Variants in KCNQ3 observed in about 807,000 individuals in gnomAD.
KCNQ3 encodes the protein potassium voltage-gated channel subfamily KQT member 3.
A neutral mutation model predicts 92.5 loss-of-function variants in KCNQ3; 30 were observed. That is an observed-to-expected ratio of 0.32 (90% confidence interval 0.24 to 0.44). KCNQ3 has a LOEUF of 0.44. KCNQ3 is among the 20% of genes least tolerant of loss of function. The pLI, the probability that KCNQ3 is intolerant of heterozygous loss-of-function variation, is 1.00. For missense variants in KCNQ3, 913 were observed against 1,140.3 expected (o/e 0.80, Z 2.87); for synonymous variants, 450 against 468.8 (o/e 0.96, Z 0.52).
chr8:132,309,927 G>A (rs984661387), intron 1 of KCNQ3, among the ~76,000 whole-genome samples: 8 of 152,128 alleles, frequency 5.3e-5, no homozygotes, highest in Non-Finnish European at 1.5e-5. Flanking sequence ...CTTTGTTTAG[G>A]CATGACTTGT....
In KCNQ3 at chr8:132,480,340, C is replaced by G. The variant is rs549681789; in HGVS notation, c.193G>C (p.Gly65Arg). Residue 65 changes from glycine to arginine, a missense_variant, in exon 1 of 15, where the codon GGG becomes CGG. Coordinates refer to ENST00000388996, the MANE Select transcript of KCNQ3 (RefSeq NM_004519.4). Reference sequence around the variant, plus strand: ...CCGCCGCCCTCCAGCAGCAGGGTCCCGTCTTTGTCGGCTCCGGCCCCGAGC... The same window carrying G: ...CCGCCGCCCTCCAGCAGCAGGGTCCGGTCTTTGTCGGCTCCGGCCCCGAGC... ...LALGAGADKD[G>R]TLLLEGGGRD... 2 of 1,597,508 alleles carry G rather than the reference C, an allele frequency of 1.3e-6. No individual in the cohort carries two copies. Among genetic ancestry groups the G allele is most frequent in the Admixed American group, 1.7e-5 (1 of 59,220 alleles).
chr8:132,272,595 A>G (rs969312952), intron 1 of KCNQ3, among the ~76,000 whole-genome samples: 20 of 152,202 alleles, frequency 1.3e-4, no homozygotes, highest in East Asian at 3.9e-4. Flanking sequence ...GGAAGGCAAG[A>G]AGGAGCAAAT....
At chr8:132,237,309 C>A (rs1426511487) in intron 1 of KCNQ3, among the ~76,000 whole-genome samples, 2 of 152,088 alleles carry the variant, frequency 1.3e-5, no homozygotes, top group African/African-American at 4.8e-5. Flanking sequence ...GATGATGGTA[C>A]AATTGACATC....
chr8:132,188,569 T>A (rs1309283881), intron 1 of KCNQ3, among the ~76,000 whole-genome samples: 2 of 152,252 alleles, frequency 1.3e-5, no homozygotes, highest in South Asian at 4.1e-4. Flanking sequence ...TTCAGTGATG[T>A]AATCCATGTC....
At chr8:132,399,323 C>G (rs1203423816) in intron 1 of KCNQ3, among the ~76,000 whole-genome samples, 1 of 152,160 alleles carries the variant, frequency 6.6e-6, no homozygotes, top group African/African-American at 2.4e-5. Context: ...ATTTTTGCAG[C>G]TCTCACAGAA....
chr8:132,471,749 C>G (rs1311695053), intron 1 of KCNQ3, among the ~76,000 whole-genome samples: 2 of 151,716 alleles, frequency 1.3e-5, no homozygotes, highest in African/African-American at 2.4e-5. Context: ...GCACAGTCAA[C>G]AAAACAAAAA....
At position 132,121,518 on chromosome 8, in the gene KCNQ3, G is replaced by A. The variant is rs925970357; in HGVS notation, c.*7744C>T. 2.0e-5 allele frequency: 3 copies of A among 152,168 alleles called. No homozygotes were observed. The highest frequency in any genetic ancestry group is 4.8e-5 in the African/African-American group (2 of 41,418). 9.4% of individuals were successfully genotyped at this position (152,168 alleles called of 1,614,324 possible). On this transcript the variant is annotated 3_prime_UTR_variant, in exon 15 of 15. Transcript: ENST00000388996. ...CTTAACCCTCAGGGGAACTATGGGG[G>A]TGGGAACTGCCCCCTCCTTGGAAAA...
chr8:132,389,257 G>A (rs1819985038), intron 1 of KCNQ3, among the ~76,000 whole-genome samples: 1 of 152,130 alleles, frequency 6.6e-6, no homozygotes, highest in African/African-American at 2.4e-5. Flanking sequence ...AGGAGTTTGA[G>A]GCCAGCCTAG....
At chr8:132,417,025 C>G (rs1015804243) in intron 1 of KCNQ3, among the ~76,000 whole-genome samples, 4 of 152,198 alleles carry the variant, frequency 2.6e-5, no homozygotes, top group African/African-American at 9.6e-5. Context: ...GTCCAAGTAG[C>G]CACCACCATT....
chr8:132,200,067 A>C lies in KCNQ3; in HGVS notation c.387-13886T>G, dbSNP rs75147952. On this transcript the variant is annotated intron_variant, in intron 1 of 14. Transcript: ENST00000388996. Reference sequence around the variant, plus strand: ...ACTTAATACTTGTAGGAACAAAAATAAACTGTCTTTAAAAACTTCCATATT... The same window carrying C: ...ACTTAATACTTGTAGGAACAAAAATCAACTGTCTTTAAAAACTTCCATATT... Among the ~76,000 whole-genome samples the C allele has an allele frequency of 8.3e-3, 1,271 of 152,344 alleles. 12 individuals carry two copies. The highest frequency in any genetic ancestry group is 0.012 in the Non-Finnish European group (846 of 68,032).
At chr8:132,218,086 A>T (rs2130325513) in intron 1 of KCNQ3, among the ~76,000 whole-genome samples, 1 of 152,336 alleles carries the variant, frequency 6.6e-6, no homozygotes, top group Admixed American at 6.5e-5. Flanking sequence ...ACATAAATGA[A>T]GGAGGCTTTG....
At chr8:132,205,416 C>T (rs1813623737) in intron 1 of KCNQ3, among the ~76,000 whole-genome samples, 1 of 152,254 alleles carries the variant, frequency 6.6e-6, no homozygotes, top group African/African-American at 2.4e-5. Flanking sequence ...TGGACACCCA[C>T]TTTGCCATGA....
intron 1 of KCNQ3, among the ~76,000 whole-genome samples, chr8:132,476,937 G>A (rs959843146): frequency 1.3e-5 from 2 of 152,130 alleles, no homozygotes; most frequent in Admixed American, 6.6e-5. Context: ...CTGGTGGGAG[G>A]TGACTGAATC....
At chr8:132,479,949 AACAC>A (rs371967111) in intron 1 of KCNQ3, among the ~76,000 whole-genome samples, 194 bp downstream of exon 1, 7,770 of 137,084 alleles carry the variant, frequency 0.057, 181 homozygotes, top group African/African-American at 0.064. Flanking sequence ...GGAGAGCGGC[AACAC>A]ACACACACAC....
chr8:132,335,961 C>T (rs1818358640), intron 1 of KCNQ3, among the ~76,000 whole-genome samples: 1 of 152,196 alleles, frequency 6.6e-6, no homozygotes, highest in African/African-American at 2.4e-5. Flanking sequence ...CCTTTTCTTC[C>T]TTCCCTCTGC....
intron 1 of KCNQ3, among the ~76,000 whole-genome samples, chr8:132,365,304 T>C: frequency 6.6e-6 from 1 of 152,230 alleles, no homozygotes; most frequent in East Asian, 1.9e-4. Flanking sequence ...TGCCTCCAAC[T>C]TGTGTGAGAG....
At chr8:132,160,065 A>G (rs1825937696) in intron 9 of KCNQ3, among the ~76,000 whole-genome samples, 1 of 152,224 alleles carries the variant, frequency 6.6e-6, no homozygotes, top group Non-Finnish European at 1.5e-5. Flanking sequence ...GATCATGGGG[A>G]TAGAGACAGG....
intron 1 of KCNQ3, among the ~76,000 whole-genome samples, chr8:132,292,834 T>C (rs1160408135): frequency 1.3e-5 from 2 of 152,174 alleles, no homozygotes; most frequent in Admixed American, 6.5e-5. Context: ...GACTCTAATC[T>C]GATTGTGGAT....
chr8:132,317,309 T>C (rs1244962162), intron 1 of KCNQ3, among the ~76,000 whole-genome samples: 1 of 152,234 alleles, frequency 6.6e-6, no homozygotes, highest in Non-Finnish European at 1.5e-5. Context: ...TGGTCACCTA[T>C]ATTTTTCTTA....
Sources: gnomAD v4.1 joint callset for allele counts (sites outside exome capture counted in the v4.1 genomes callset) on GRCh38, gnomAD v4.1.1 for gene constraint, MANE v1.5 for transcripts, NCBI Gene and HGNC (gene_info 2026-07-23, HGNC 2026-07-21) for gene names.